Variants in MPV17L2 observed in about 807,000 individuals in gnomAD.
MPV17L2 encodes mpv17-like protein 2.
Under a neutral mutation model 24.2 loss-of-function variants are expected in MPV17L2, and 25 were observed. The ratio of observed to expected loss-of-function variants is 1.03; its 90% CI spans 0.75 to 1.44. The LOEUF (loss-of-function observed/expected upper bound fraction) is 1.44. Among genes scored for constraint, MPV17L2 ranks in the 40% most tolerant of loss-of-function variants. The pLI is 0.00. For synonymous variants in MPV17L2, 130 were observed against 121.4 expected, an observed-to-expected ratio of 1.07 and a Z score of -0.46; for missense variants, 271 against 276.2, an observed-to-expected ratio of 0.98 and a Z score of 0.13.
Position 18,193,921 on chromosome 19 carries a change from C to CCAA in MPV17L2, c.245_246insCAA (p.Ser82_Leu83insLys). ...CCCTTCCTGCACTACTGGTACTTGTCGCTGGACCGCCTATTCCCTGCGTCT... is the reference window on the plus strand; with the variant it reads ...CCCTTCCTGCACTACTGGTACTTGTCCAAGCTGGACCGCCTATTCCCTGCGTCT... On this transcript the variant is annotated inframe_insertion, in exon 2 of 5. Transcript: ENST00000599612. The CCAA allele has an allele frequency of 6.2e-7, 1 of 1,614,194 alleles. No individual in the cohort carries two copies. Among genetic ancestry groups the CCAA allele is most frequent in the South Asian group, 1.1e-5 (1 of 91,080 alleles).
At chr19:18,194,910 C>T (rs1318729181) in intron 3 of MPV17L2, 48 bp from the exon 4 acceptor site, 6 of 1,590,812 alleles carry the variant, frequency 3.8e-6, no homozygotes, top group South Asian at 3.4e-5. Context: ...GCCGCTCCGC[C>T]CCCGCCCAGC....
At chr19:18,195,407 G>A (rs1415039223) in intron 4 of MPV17L2, among the ~76,000 whole-genome samples, 1 of 151,974 alleles carries the variant, frequency 6.6e-6, no homozygotes, top group Non-Finnish European at 1.5e-5. Flanking sequence ...TTACTGGTAC[G>A]CACCTGTAAT....
In MPV17L2 at chr19:18,193,330, C is replaced by T. The variant is rs1192702505; in HGVS notation, c.49C>T (p.Gln17Ter). 2 of 1,560,884 alleles carry T rather than the reference C, an allele frequency of 1.3e-6. No homozygotes were observed. ...GCTACGCCGCCTGTTATCCGCGGGG[C>T]AGCTTCTATTCCAGGGCCGCGCGCT... is the stretch of plus-strand genomic sequence containing the variant. ...RRLRRLLSAG[Q>*]LLFQGRALLV... The change falls in exon 1 of 5, where the codon CAG becomes TAG. Residue 17 changes from glutamine to a stop codon, truncating the protein, a stop_gained. Transcript: ENST00000599612. LOFTEE classifies it high-confidence loss of function.
Position 18,194,943 on chromosome 19 carries a change from C to A in MPV17L2, c.436-15C>A. On this transcript the variant is annotated splice_polypyrimidine_tract_variant and intron_variant, in intron 3 of 4. Coordinates refer to ENST00000599612, the MANE Select transcript of MPV17L2 (RefSeq NM_032683.3). The stretch of plus-strand genomic sequence containing the variant: ...AGCTCTGGCCCCGCCCCTCATCCCC[C>A]GCCTCTCCCCGCAGGCAGACTGGTG... 3 of 1,609,854 alleles carry A rather than the reference C, an allele frequency of 1.9e-6. No individual in the cohort carries two copies. Among genetic ancestry groups the A allele is most frequent in the Non-Finnish European group, 2.5e-6 (3 of 1,177,444 alleles).
chr19:18,195,109 G>C (rs1967489199), intron 4 of MPV17L2, 23 bp downstream of exon 4: 2 of 1,610,456 alleles, frequency 1.2e-6, no homozygotes, highest in African/African-American at 1.3e-5. Context: ...GGCATACCAG[G>C]CACCCAGGGG....
In MPV17L2 at chr19:18,194,958, G is replaced by A; in HGVS notation, c.436G>A (p.Ala146Thr). The change falls in exon 4 of 5, where the codon GCA becomes ACA. Residue 146 changes from alanine (A) to threonine (T), a missense_variant and splice_region_variant. Physicochemically the swap from Ala to Thr is moderately conservative, Grantham distance 58. Transcript: ENST00000599612. ...LREKFWEFYK[A>T]DWCVWPAAQF... ...CCTCATCCCCCGCCTCTCCCCGCAGGCAGACTGGTGCGTGTGGCCTGCTGC... is the reference window on the plus strand; with the variant it reads ...CCTCATCCCCCGCCTCTCCCCGCAGACAGACTGGTGCGTGTGGCCTGCTGC... 6.2e-7 allele frequency: 1 copy of A among 1,612,276 alleles called. No individual in the cohort carries two copies. Among genetic ancestry groups the A allele is most frequent in the Non-Finnish European group, 8.5e-7 (1 of 1,178,870 alleles).
chr19:18,195,132 GC>G, intron 4 of MPV17L2, 46 bp downstream of exon 4: 2 of 1,588,594 alleles, frequency 1.3e-6, no homozygotes, highest in Non-Finnish European at 1.7e-6. Flanking sequence ...TCCCCAGGGG[GC>G]TACACGTGTG....
rs1967521616 is a variant in MPV17L2, at chr19:18,196,458, C to T, written c.*403C>T. On this transcript the variant is annotated 3_prime_UTR_variant, in exon 5 of 5. Transcript: ENST00000599612. ...ACTAAGGCGGGGACATGACTGATCC[C>T]CTCAGAGCAGGCTCAGGCCTGGAGT... is the stretch of plus-strand genomic sequence containing the variant. 7.7e-7 allele frequency: 1 copy of T among 1,295,662 alleles called. No individual in the cohort carries two copies. Among genetic ancestry groups the T allele is most frequent in the African/African-American group, 1.5e-5 (1 of 66,214 alleles). 80.3% of individuals were successfully genotyped at this position (1,295,662 alleles called of 1,614,324 possible). A position where few individuals can be genotyped will look rare whatever the true frequency, so the allele number is the denominator to read the frequency against.
chr19:18,196,516 G>C lies in MPV17L2; in HGVS notation c.*461G>C. 1 of 1,059,640 alleles carries C rather than the reference G, an allele frequency of 9.4e-7. No individual in the cohort carries two copies. Among genetic ancestry groups the C allele is most frequent in the Non-Finnish European group, 1.3e-6 (1 of 794,724 alleles). 65.6% of individuals were successfully genotyped at this position (1,059,640 alleles called of 1,614,324 possible). ...CAAAAGTTTCACATAGGGCCAGGCA[G>C]CCTCTGTGTTTCTTTCCCTGGTCCT... On this transcript the variant is annotated 3_prime_UTR_variant, in exon 5 of 5. Coordinates refer to ENST00000599612, the MANE Select transcript of MPV17L2 (RefSeq NM_032683.3).
Position 18,194,046 on chromosome 19 carries a change from C to T in MPV17L2, c.358+12C>T. 6.2e-7 allele frequency: 1 copy of T among 1,612,902 alleles called. No individual in the cohort carries two copies. Among genetic ancestry groups the T allele is most frequent in the Non-Finnish European group, 8.5e-7 (1 of 1,179,470 alleles). ...CTGGTACTTCTTGGGTAAGGAGCCT[C>T]CTAAGCCTAGGCTTTGCCTCTCATA... On this transcript the variant is annotated intron_variant, in intron 2 of 4. Coordinates refer to ENST00000599612, the MANE Select transcript of MPV17L2 (RefSeq NM_032683.3).
At chr19:18,194,064 C>T (rs1967469325) in intron 2 of MPV17L2, 30 bp downstream of exon 2, 1 of 1,608,268 alleles carries the variant, frequency 6.2e-7, no homozygotes, top group Non-Finnish European at 8.5e-7. Flanking sequence ...TAGGCTTTGC[C>T]TCTCATAGGT....
At chr19:18,195,793 C>T (rs1410827523) in intron 4 of MPV17L2, among the ~76,000 whole-genome samples, 8 of 151,394 alleles carry the variant, frequency 5.3e-5, no homozygotes, top group Non-Finnish European at 8.9e-5. Flanking sequence ...GCCGAGATCG[C>T]GCCACTGCAC....
At chr19:18,195,203 C>T in intron 4 of MPV17L2, 117 bp downstream of exon 4, 1 of 1,470,404 alleles carries the variant, frequency 6.8e-7, no homozygotes, top group Admixed American at 2.2e-5. Flanking sequence ...GTGCTCCTGA[C>T]AACCCACACC....
intron 3 of MPV17L2, 38 bp downstream of exon 3, chr19:18,194,891 C>G (rs1350862226): frequency 5.7e-6 from 9 of 1,590,616 alleles, no homozygotes; most frequent in Non-Finnish European, 7.7e-6. Context: ...CCGGCCCCGC[C>G]CCCTGATGGC....
intron 2 of MPV17L2, 54 bp from the exon 3 acceptor site, chr19:18,194,723 T>C: frequency 1.3e-6 from 2 of 1,500,288 alleles, no homozygotes; most frequent in Non-Finnish European, 9.1e-7. Context: ...CATCTTGTCG[T>C]CTCAACAGTA....
chr19:18,196,829 G>A lies in MPV17L2; in HGVS notation c.*774G>A. The A allele has an allele frequency of 3.9e-6, 1 of 258,972 alleles. No individual in the cohort carries two copies. Among genetic ancestry groups the A allele is most frequent in the South Asian group, 4.3e-5 (1 of 23,082 alleles). The allele number at this position is 258,972 out of a possible 1,614,324, so 16.0% of individuals were successfully genotyped here. On this transcript the variant is annotated 3_prime_UTR_variant, in exon 5 of 5. Coordinates refer to ENST00000599612, the MANE Select transcript of MPV17L2 (RefSeq NM_032683.3). Reference sequence around the variant, plus strand: ...GGTCCATTCGCTTTATTGGGTGCGTGTAGTGTTGTCATGACATCTCCTAAG... The same window carrying A: ...GGTCCATTCGCTTTATTGGGTGCGTATAGTGTTGTCATGACATCTCCTAAG...
At position 18,194,768 on chromosome 19, in the gene MPV17L2, G is replaced by C. The variant is rs16982263; in HGVS notation, c.359-9G>C. The C allele has an allele frequency of 0.64, 1,022,584 of 1,599,854 alleles. 336,024 individuals are homozygous for C. Among genetic ancestry groups the C allele is most frequent in the Non-Finnish European group, 0.68 (792,201 of 1,173,366 alleles). ...CTCTAACACTCTCATTTCTTGGTTTGCTTCCCAGGCCTTGGCTGCCTGGAG... is the reference window on the plus strand; with the variant it reads ...CTCTAACACTCTCATTTCTTGGTTTCCTTCCCAGGCCTTGGCTGCCTGGAG... On this transcript the variant is annotated splice_polypyrimidine_tract_variant and intron_variant, in intron 2 of 4. Transcript: ENST00000599612.
chr19:18,194,129 T>C, intron 2 of MPV17L2, 95 bp downstream of exon 2: 1 of 1,421,642 alleles, frequency 7.0e-7, no homozygotes, highest in South Asian at 1.3e-5. Context: ...GCATTTCCAA[T>C]TTGCCCCCTG....
At position 18,194,017 on chromosome 19, in the gene MPV17L2, G is replaced by A. The variant is rs1333564841; in HGVS notation, c.341G>A (p.Gly114Asp). 2 of 1,614,106 alleles carry A rather than the reference G, an allele frequency of 1.2e-6. No individual in the cohort carries two copies. The highest frequency in any genetic ancestry group is 1.7e-6 in the Non-Finnish European group (2 of 1,179,972). The change falls in exon 2 of 5, where the codon GGC becomes GAC. Residue 114 changes from glycine to aspartate, a missense_variant. By Grantham distance (94) the Gly-to-Asp change is moderately conservative. Coordinates refer to ENST00000599612, the MANE Select transcript of MPV17L2 (RefSeq NM_032683.3). ...CAGCTGGTAGCCTCTCCATTGCTGGGCGTCTGGTACTTCTTGGGTAAGGAG... is the reference window on the plus strand; with the variant it reads ...CAGCTGGTAGCCTCTCCATTGCTGGACGTCTGGTACTTCTTGGGTAAGGAG... Reference protein sequence around the residue: ...VDQLVASPLLGVWYFLGLGCL... With the variant: ...VDQLVASPLLDVWYFLGLGCL...
Sources: allele counts gnomAD v4.1 joint callset (sites outside exome capture counted in the v4.1 genomes callset), GRCh38; gene constraint gnomAD v4.1.1; transcripts MANE v1.5; gene names NCBI Gene and HGNC (gene_info 2026-07-23, HGNC 2026-07-21).